Variants in CHRM3 observed in about 807,000 individuals in gnomAD.
The protein encoded by CHRM3 is muscarinic acetylcholine receptor M3.
A neutral mutation model predicts 41.8 loss-of-function variants in CHRM3; 11 were observed. The ratio of observed to expected loss-of-function variants is 0.26; its 90% CI spans 0.17 to 0.44. The LOEUF (loss-of-function observed/expected upper bound fraction) is 0.44. Ranked by LOEUF, CHRM3 falls within the 20% of genes least tolerant of loss-of-function variation. The pLI is 1.00. For synonymous variants in CHRM3, 297 were observed against 301.4 expected (o/e 0.99, Z 0.15); for missense variants, 571 against 745.4 (o/e 0.77, Z 2.72).
At chr1:239,749,785 T>C (rs2148566235) in intron 5 of CHRM3, among the ~76,000 whole-genome samples, 1 of 152,336 alleles carries the variant, frequency 6.6e-6, no homozygotes, top group South Asian at 2.1e-4. Context: ...TTCGTATTTG[T>C]TAAATAAGAG....
At position 239,491,779 on chromosome 1, in the gene CHRM3, C is replaced by T. The variant is rs188086264; in HGVS notation, c.-520-930C>T. On this transcript the variant is annotated intron_variant, in intron 1 of 6. Coordinates refer to ENST00000676153, the MANE Select transcript of CHRM3 (RefSeq NM_001375978.1). ...AACTCCATGCTGTTTTTTGCAGTGG[C>T]TGTAATAATTTACATTCCAATCAAC... is the stretch of plus-strand genomic sequence containing the variant. Among the ~76,000 whole-genome samples, 1,004 of 152,248 alleles carry T rather than the reference C, an allele frequency of 6.6e-3. 15 individuals carry two copies. Among genetic ancestry groups the T allele is most frequent in the African/African-American group, 0.022 (934 of 41,552 alleles).
At chr1:239,425,538 T>C (rs550129056) in intron 1 of CHRM3, among the ~76,000 whole-genome samples, 22 of 152,284 alleles carry the variant, frequency 1.4e-4, no homozygotes, top group Admixed American at 1.2e-3. Context: ...ACAACACTCA[T>C]GCATTAAGTT....
At chr1:239,771,275 A>G (rs1404962343) in intron 5 of CHRM3, among the ~76,000 whole-genome samples, 1 of 152,096 alleles carries the variant, frequency 6.6e-6, no homozygotes, top group Admixed American at 6.5e-5. Flanking sequence ...ATATCTCTTC[A>G]GTTCTAGCCT....
chr1:239,554,127 G>T (rs1424223821), intron 3 of CHRM3, among the ~76,000 whole-genome samples: 1 of 152,088 alleles, frequency 6.6e-6, no homozygotes, highest in Non-Finnish European at 1.5e-5. Context: ...GGCCTCAAGT[G>T]ATCCTCCCAC....
At chr1:239,515,237 A>C (rs1669179035) in intron 2 of CHRM3, among the ~76,000 whole-genome samples, 1 of 151,946 alleles carries the variant, frequency 6.6e-6, no homozygotes, top group Non-Finnish European at 1.5e-5. Context: ...AATAAAATAA[A>C]ATTTTTGTCT....
At chr1:239,780,164 T>C (rs950746690) in intron 5 of CHRM3, among the ~76,000 whole-genome samples, 6 of 152,206 alleles carry the variant, frequency 3.9e-5, no homozygotes, top group Non-Finnish European at 8.8e-5. Flanking sequence ...GATTGCCAGA[T>C]TGTATAGTTA....
At chr1:239,758,039 T>C (rs1188252746) in intron 5 of CHRM3, among the ~76,000 whole-genome samples, 1 of 152,188 alleles carries the variant, frequency 6.6e-6, no homozygotes, top group Non-Finnish European at 1.5e-5. Context: ...TAGATCTTGG[T>C]GTTTGCTGTA....
chr1:239,460,373 G>A lies in CHRM3; in HGVS notation c.-520-32336G>A, dbSNP rs1030842494. ...CTAAGAAGTTCCAGGGTATTAAGAA[G>A]AATGCTAATGACACCTTCTCTATTA... is the stretch of plus-strand genomic sequence containing the variant. On this transcript the variant is annotated intron_variant, in intron 1 of 6. Transcript: ENST00000676153. Among the ~76,000 whole-genome samples the A allele has an allele frequency of 3.9e-5, 6 of 152,066 alleles. No homozygotes were observed. The South Asian group carries it at 8.3e-4, about 21-fold the overall frequency.
intron 3 of CHRM3, among the ~76,000 whole-genome samples, chr1:239,605,058 A>G (rs1026906939): frequency 6.6e-6 from 1 of 152,166 alleles, no homozygotes; most frequent in Non-Finnish European, 1.5e-5. Context: ...TTTAATAGAG[A>G]AATTTGATTC....
At position 239,621,265 on chromosome 1, in the gene CHRM3, TC is replaced by T. The variant is rs1371864282; in HGVS notation, c.-312-10958del. ...ACTGCTCCACCAACCACCCATTTCT[TC>T]ATCTCTTTTCCTCTCCTTGCCCTCC... On this transcript the variant is annotated intron_variant, in intron 3 of 6. Transcript: ENST00000676153. Among the ~76,000 whole-genome samples, 3 of 152,194 alleles carry T rather than the reference TC, an allele frequency of 2.0e-5. No homozygotes were observed. In the East Asian group the frequency reaches 5.8e-4, roughly 29 times the overall value.
At chr1:239,533,258 C>T (rs560172213) in intron 2 of CHRM3, among the ~76,000 whole-genome samples, 167 of 152,220 alleles carry the variant, frequency 1.1e-3, no homozygotes, top group Non-Finnish European at 1.7e-3. Context: ...TCAGTCCGTC[C>T]TTACACTGCT....
At chr1:239,763,265 G>C (rs1029114397) in intron 5 of CHRM3, among the ~76,000 whole-genome samples, 3 of 152,104 alleles carry the variant, frequency 2.0e-5, no homozygotes, top group Non-Finnish European at 4.4e-5. Context: ...CATGGCAAAT[G>C]GTTATTAACA....
chr1:239,620,718 T>G (rs1384748493), intron 3 of CHRM3, among the ~76,000 whole-genome samples: 1 of 152,042 alleles, frequency 6.6e-6, no homozygotes, highest in Admixed American at 6.6e-5. Context: ...GCTATATTGT[T>G]TATAATAAGA....
intron 1 of CHRM3, among the ~76,000 whole-genome samples, chr1:239,434,945 G>A (rs1663116928): frequency 6.6e-6 from 1 of 152,098 alleles, no homozygotes; most frequent in South Asian, 2.1e-4. Context: ...ATCGCTTCCC[G>A]AGGTTTTTGT....
chr1:239,438,537 A>G (rs1663452032), intron 1 of CHRM3, among the ~76,000 whole-genome samples: 1 of 152,186 alleles, frequency 6.6e-6, no homozygotes, highest in Non-Finnish European at 1.5e-5. Flanking sequence ...ACCACAGCTT[A>G]TCGTATGATC....
At chr1:239,609,975 G>A (rs1233638672) in intron 3 of CHRM3, among the ~76,000 whole-genome samples, 2 of 151,832 alleles carry the variant, frequency 1.3e-5, no homozygotes, top group Non-Finnish European at 2.9e-5. Context: ...GGTGGATCAC[G>A]AGGTCAGGAG....
chr1:239,539,421 C>T (rs191439510), intron 2 of CHRM3, among the ~76,000 whole-genome samples: 47 of 152,264 alleles, frequency 3.1e-4, no homozygotes, highest in Admixed American at 2.8e-3. Flanking sequence ...AGCACAAAGA[C>T]GATTTTGAGT....
Position 239,687,387 on chromosome 1 carries a change from C to T in CHRM3, c.-147+9099C>T, listed in dbSNP as rs572700025. ...GCAATATCATGTAGTATTGCTAATC[C>T]GTCGTTATTTATCAGAGCATCATGG... On this transcript the variant is annotated intron_variant, in intron 5 of 6. Coordinates refer to ENST00000676153, the MANE Select transcript of CHRM3 (RefSeq NM_001375978.1). 4.3e-4 allele frequency among the ~76,000 whole-genome samples: 66 copies of T among 152,024 alleles called. No individual in the cohort carries two copies. In the South Asian group the frequency reaches 0.013, roughly 30 times the overall value.
intron 6 of CHRM3, among the ~76,000 whole-genome samples, chr1:239,881,216 G>C (rs1558205822): frequency 2.1e-5 from 3 of 140,908 alleles, no homozygotes; most frequent in South Asian, 4.7e-4. Flanking sequence ...CCGGGAGGCG[G>C]AGCTTGCAGT....
Sources: allele counts gnomAD v4.1 joint callset (sites outside exome capture counted in the v4.1 genomes callset), GRCh38; gene constraint gnomAD v4.1.1; transcripts MANE v1.5; gene names NCBI Gene and HGNC (gene_info 2026-07-23, HGNC 2026-07-21).